CNR2: variants seen among roughly 807,000 people sequenced by gnomAD.
CNR2 encodes the protein cannabinoid receptor 2 (macrophage).
For missense variants in CNR2, 379 were observed against 439.9 expected (o/e 0.86, Z 1.24); for synonymous variants, 172 against 182.2 (o/e 0.94, Z 0.45).
chr1:23,890,598 A>G (rs6424126), intron 1 of CNR2, among the ~76,000 whole-genome samples: 128,164 of 151,542 alleles, frequency 0.85, 54,303 homozygotes, highest in Admixed American at 0.86. Context: ...ATACAAAATT[A>G]GCCGGGCGTG....
chr1:23,899,391 T>TCTTCTAACCTCCAA (rs1640343219), intron 1 of CNR2, among the ~76,000 whole-genome samples: 2 of 11,026 alleles, frequency 1.8e-4, no homozygotes, highest in South Asian at 8.9e-3. Flanking sequence ...TGTTCATTCC[T>TCTTCTAACCTCCAA]GGGCTGAACT....
At chr1:23,890,080 G>A (rs1640158359) in intron 1 of CNR2, among the ~76,000 whole-genome samples, 1 of 151,688 alleles carries the variant, frequency 6.6e-6, no homozygotes, top group Admixed American at 6.6e-5. Flanking sequence ...TGGCCAACAT[G>A]GTAAAACCCC....
rs1160498006 is a variant in CNR2 at position 23,871,277 on chromosome 1, G to T, written c.*3258C>A. The T allele has an allele frequency of 6.6e-6, 1 of 151,592 alleles. No individual in the cohort carries two copies. The highest frequency in any genetic ancestry group is 1.5e-5 in the Non-Finnish European group (1 of 67,922). 9.4% of individuals were successfully genotyped at this position (151,592 alleles called of 1,614,324 possible). A position where few individuals can be genotyped will look rare whatever the true frequency, so the allele number is the denominator to read the frequency against. On this transcript the variant is annotated 3_prime_UTR_variant, in exon 2 of 2. Coordinates refer to ENST00000374472, the MANE Select transcript of CNR2 (RefSeq NM_001841.3). ...GAATCTAGTTTTATTCATTCAAGAA[G>T]TATTTACTCAGTGCTTGTTTGTGCC...
At chr1:23,879,320 A>G (rs1297776861) in intron 1 of CNR2, among the ~76,000 whole-genome samples, 2 of 151,958 alleles carry the variant, frequency 1.3e-5, no homozygotes, top group African/African-American at 4.8e-5. Flanking sequence ...CAAACAAACA[A>G]AACCAAAGTG....
chr1:23,877,759 A>G (rs1298064057), intron 1 of CNR2, among the ~76,000 whole-genome samples: 3 of 152,074 alleles, frequency 2.0e-5, no homozygotes, highest in African/African-American at 7.2e-5. Flanking sequence ...TCAGGAGTTC[A>G]AGACTAGCCT....
At position 23,874,328 on chromosome 1, in the gene CNR2, G is replaced by A. The variant is rs933745453; in HGVS notation, c.*207C>T. On this transcript the variant is annotated 3_prime_UTR_variant, in exon 2 of 2. Coordinates refer to ENST00000374472, the MANE Select transcript of CNR2 (RefSeq NM_001841.3). ...TCTCGCCTACCTGGCTACTCCTCGT[G>A]GCCCTACCTATCCAACAGACTGTGT... 5.3e-6 allele frequency: 3 copies of A among 570,620 alleles called. No individual in the cohort carries two copies. Among genetic ancestry groups the A allele is most frequent in the Non-Finnish European group, 6.2e-6 (2 of 322,388 alleles). 35.3% of individuals were successfully genotyped at this position (570,620 alleles called of 1,614,324 possible). A position where few individuals can be genotyped will look rare whatever the true frequency, so the allele number is the denominator to read the frequency against.
intron 1 of CNR2, among the ~76,000 whole-genome samples, chr1:23,892,503 T>C (rs550645362): frequency 2.0e-4 from 31 of 152,274 alleles, no homozygotes; most frequent in Admixed American, 1.2e-3. Context: ...TCAATGAATG[T>C]CTATTAGGAG....
At chr1:23,888,969 A>C (rs1640137844) in intron 1 of CNR2, among the ~76,000 whole-genome samples, 1 of 152,150 alleles carries the variant, frequency 6.6e-6, no homozygotes, top group Non-Finnish European at 1.5e-5. Flanking sequence ...ATTCAGTTTA[A>C]AAAAATAAAT....
intron 1 of CNR2, among the ~76,000 whole-genome samples, chr1:23,896,202 G>A (rs1640280022): frequency 6.6e-6 from 1 of 152,096 alleles, no homozygotes; most frequent in African/African-American, 2.4e-5. Flanking sequence ...CCACCTTACT[G>A]GTGGAGTCTG....
intron 1 of CNR2, among the ~76,000 whole-genome samples, chr1:23,906,358 A>G (rs1403855391): frequency 1.8e-4 from 28 of 152,102 alleles, no homozygotes; most frequent in Admixed American, 1.8e-3. Context: ...ATTAAACAGT[A>G]TGTATGGGAC....
intron 1 of CNR2, among the ~76,000 whole-genome samples, chr1:23,881,565 C>A (rs966458594): frequency 1.3e-5 from 2 of 149,644 alleles, no homozygotes; most frequent in South Asian, 4.2e-4. Flanking sequence ...GCCTGGGCAA[C>A]AGAGTGAAAC....
chr1:23,894,099 G>A (rs1419330178), intron 1 of CNR2, among the ~76,000 whole-genome samples: 1 of 144,750 alleles, frequency 6.9e-6, no homozygotes, highest in Non-Finnish European at 1.5e-5. Flanking sequence ...TAGCCTGAGT[G>A]ACAGAGCAGA....
intron 1 of CNR2, among the ~76,000 whole-genome samples, chr1:23,886,601 G>A (rs1640094106): frequency 6.6e-6 from 1 of 152,244 alleles, no homozygotes; most frequent in East Asian, 1.9e-4. Context: ...TCTACATGGA[G>A]TAAGCCATAT....
chr1:23,901,742 A>C (rs1570719994), intron 1 of CNR2: 1 of 1,421,330 alleles, frequency 7.0e-7, no homozygotes, highest in Non-Finnish European at 1.0e-6. Flanking sequence ...AGCCAGAACT[A>C]CCCCAAGCCT....
chr1:23,901,175 C>A (rs1640392308), intron 1 of CNR2, among the ~76,000 whole-genome samples: 1 of 152,138 alleles, frequency 6.6e-6, no homozygotes, highest in Admixed American at 6.6e-5. Flanking sequence ...CAGGAACATG[C>A]AACCCCTCAA....
At chr1:23,904,420 C>G (rs1640454470) in intron 1 of CNR2, among the ~76,000 whole-genome samples, 1 of 152,110 alleles carries the variant, frequency 6.6e-6, no homozygotes, top group African/African-American at 2.4e-5. Context: ...AGGTGATCGG[C>G]CTGGTGCTGC....
chr1:23,911,220 G>T (rs185616698), intron 1 of CNR2, among the ~76,000 whole-genome samples: 138 of 152,092 alleles, frequency 9.1e-4, no homozygotes, highest in African/African-American at 3.1e-3. Context: ...AGGAGAGATT[G>T]TCCTTGGCTG....
At chr1:23,907,436 AAAG>A (rs1194119203) in intron 1 of CNR2, among the ~76,000 whole-genome samples, 1 of 151,782 alleles carries the variant, frequency 6.6e-6, no homozygotes. Flanking sequence ...ACAAGAGAAA[AAAG>A]AAGAATCTTG....
At chr1:23,902,294 CT>C in intron 1 of CNR2, 1 of 1,506,260 alleles carries the variant, frequency 6.6e-7, no homozygotes, top group Admixed American at 1.9e-5. Flanking sequence ...CCATCTCGGC[CT>C]GTGCGTCGAT....
Sources: gnomAD v4.1 joint callset for allele counts (sites outside exome capture counted in the v4.1 genomes callset) on GRCh38, gnomAD v4.1.1 for gene constraint, MANE v1.5 for transcripts, NCBI Gene and HGNC (gene_info 2026-07-23, HGNC 2026-07-21) for gene names.